Variants in ASTN2 observed in about 807,000 individuals in gnomAD.
ASTN2 encodes astrotactin-2.
A neutral mutation model predicts 139.8 loss-of-function variants in ASTN2; 54 were observed. The observed-to-expected ratio is 0.39, with a 90% CI of 0.31 to 0.48. The LOEUF is 0.48. ASTN2 is among the 20% of genes least tolerant of loss of function. ASTN2 has a pLI of 0.95. For synonymous variants in ASTN2, 756 were observed against 719.5 expected, an observed-to-expected ratio of 1.05 and a Z score of -0.81; for missense variants, 1,565 against 1,725.1, an observed-to-expected ratio of 0.91 and a Z score of 1.64.
chr9:117,071,786 G>A (rs893424623), intron 5 of ASTN2, among the ~76,000 whole-genome samples: 1 of 151,576 alleles, frequency 6.6e-6, no homozygotes, highest in Non-Finnish European at 1.5e-5. Context: ...AGGTGCGTCC[G>A]TCACCCCTTT....
chr9:117,411,525 AG>A (rs1831161556), intron 1 of ASTN2, among the ~76,000 whole-genome samples: 1 of 150,398 alleles, frequency 6.6e-6, no homozygotes, highest in Non-Finnish European at 1.5e-5. Flanking sequence ...GGCAGAATGG[AG>A]GGAGCCAGGG....
chr9:116,440,191 T>G (rs1847799502), intron 22 of ASTN2, among the ~76,000 whole-genome samples: 1 of 152,130 alleles, frequency 6.6e-6, no homozygotes, highest in Non-Finnish European at 1.5e-5. Flanking sequence ...TTAGTCAAAA[T>G]CATAGCTATT....
intron 19 of ASTN2, among the ~76,000 whole-genome samples, chr9:116,554,787 T>G (rs1308607898): frequency 6.6e-6 from 1 of 152,168 alleles, no homozygotes; most frequent in Admixed American, 6.5e-5. Context: ...ATATTTCCAT[T>G]TTGAAATCAT....
chr9:116,585,532 G>A (rs138680990), intron 19 of ASTN2: 1 of 152,240 alleles, frequency 6.6e-6, no homozygotes, highest in Non-Finnish European at 1.5e-5. Context: ...AAGCCATCTG[G>A]TCTTCTACAA....
chr9:117,353,500 C>A (rs1829448283), intron 1 of ASTN2, among the ~76,000 whole-genome samples: 1 of 152,052 alleles, frequency 6.6e-6, no homozygotes, highest in African/African-American at 2.4e-5. Context: ...TTGGGTAGCA[C>A]AGGTTAAACT....
Position 116,668,743 on chromosome 9 carries a change from C to T in ASTN2, c.2807-16950G>A, listed in dbSNP as rs118191863. Among the ~76,000 whole-genome samples, 777 of 152,318 alleles carry T rather than the reference C, an allele frequency of 5.1e-3. 2 individuals carry two copies. Among genetic ancestry groups the T allele is most frequent in the Non-Finnish European group, 8.9e-3 (607 of 68,034 alleles). Reference sequence around the variant, plus strand: ...ACTCCTTTGGACAAATACCAAGGAGCACAATTGCAAAGATCACATGGTAAG... The same window carrying T: ...ACTCCTTTGGACAAATACCAAGGAGTACAATTGCAAAGATCACATGGTAAG... On this transcript the variant is annotated intron_variant, in intron 16 of 22. Coordinates refer to ENST00000313400, the MANE Select transcript of ASTN2 (RefSeq NM_001365068.1).
At chr9:117,130,124 T>C (rs1829793040) in intron 4 of ASTN2, among the ~76,000 whole-genome samples, 2 of 152,092 alleles carry the variant, frequency 1.3e-5, no homozygotes, top group African/African-American at 4.8e-5. Flanking sequence ...CTGGGCAGCA[T>C]GGTGAAACCC....
At chr9:117,184,133 C>T (rs1428286022) in intron 3 of ASTN2, among the ~76,000 whole-genome samples, 1 of 152,180 alleles carries the variant, frequency 6.6e-6, no homozygotes, top group Non-Finnish European at 1.5e-5. Context: ...CAGGCTGAGG[C>T]CCAGGGTTGA....
intron 19 of ASTN2, among the ~76,000 whole-genome samples, chr9:116,556,848 A>G (rs1419283686): frequency 6.6e-6 from 1 of 152,214 alleles, no homozygotes; most frequent in Non-Finnish European, 1.5e-5. Flanking sequence ...GTATATATGT[A>G]CGCACACACA....
chr9:116,803,739 T>G (rs553252821), intron 13 of ASTN2, among the ~76,000 whole-genome samples: 1 of 151,142 alleles, frequency 6.6e-6, no homozygotes, highest in Non-Finnish European at 1.5e-5. Flanking sequence ...TTAGCCAGGA[T>G]GGTCTCAATC....
intron 7 of ASTN2, among the ~76,000 whole-genome samples, chr9:117,001,226 T>A (rs1185159882): frequency 1.3e-5 from 2 of 152,200 alleles, no homozygotes; most frequent in East Asian, 3.9e-4. Flanking sequence ...ACTCCATGAC[T>A]CTGTCCAGCT....
intron 20 of ASTN2, among the ~76,000 whole-genome samples, chr9:116,448,666 C>A (rs1474870641): frequency 6.6e-6 from 1 of 152,178 alleles, no homozygotes; most frequent in African/African-American, 2.4e-5. Context: ...GAAATTCTAC[C>A]ATTGAGCCTC....
At chr9:116,514,663 C>T (rs1029907414) in intron 19 of ASTN2, among the ~76,000 whole-genome samples, 25 of 152,170 alleles carry the variant, frequency 1.6e-4, no homozygotes, top group Non-Finnish European at 3.1e-4. Context: ...CCAGTTTGAG[C>T]TTCCCAGCCG....
chr9:117,077,100 A>G (rs1828301841), intron 5 of ASTN2, among the ~76,000 whole-genome samples: 1 of 152,106 alleles, frequency 6.6e-6, no homozygotes, highest in South Asian at 2.1e-4. Context: ...CAGCATAAAT[A>G]CATGTGGGAG....
At position 117,227,990 on chromosome 9, in the gene ASTN2, A is replaced by G. The variant is rs59415881; in HGVS notation, c.631-13248T>C. Among the ~76,000 whole-genome samples, 976 of 152,224 alleles carry G rather than the reference A, an allele frequency of 6.4e-3. 10 individuals carry two copies. Among genetic ancestry groups the G allele is most frequent in the African/African-American group, 0.022 (922 of 41,522 alleles). ...ACTTTAGTGAAAGAGGGTGTCAATA[A>G]TGTGGCTCAAAAAACACTGGATTTG... is the stretch of plus-strand genomic sequence containing the variant. On this transcript the variant is annotated intron_variant, in intron 2 of 22. Coordinates refer to ENST00000313400, the MANE Select transcript of ASTN2 (RefSeq NM_001365068.1).
chr9:117,284,199 A>G lies in ASTN2; in HGVS notation c.630+7127T>C, dbSNP rs181412295. Among the ~76,000 whole-genome samples, 158 of 152,098 alleles carry G rather than the reference A, an allele frequency of 1.0e-3. 1 individual carries two copies. The highest frequency in any genetic ancestry group is 3.6e-3 in the African/African-American group (151 of 41,514). ...GCTCACTGCAACCTCCGTCTCCCAG[A>G]CCCAAGCGATCCTCCCACCTCAGCC... On this transcript the variant is annotated intron_variant, in intron 2 of 22. Transcript: ENST00000313400.
intron 13 of ASTN2, among the ~76,000 whole-genome samples, chr9:116,782,260 G>A (rs1005259770): frequency 5.9e-5 from 9 of 152,224 alleles, no homozygotes; most frequent in East Asian, 5.8e-4. Context: ...AGAATGAAGC[G>A]ACAGATTTAA....
chr9:116,957,888 C>T (rs1835760566), intron 10 of ASTN2, among the ~76,000 whole-genome samples: 1 of 152,116 alleles, frequency 6.6e-6, no homozygotes, highest in African/African-American at 2.4e-5. Flanking sequence ...ACCATGTTGG[C>T]CAGGATGGTC....
intron 20 of ASTN2, among the ~76,000 whole-genome samples, chr9:116,473,119 T>C (rs902370242): frequency 6.6e-6 from 1 of 152,086 alleles, no homozygotes; most frequent in African/African-American, 2.4e-5. Flanking sequence ...TGGCATGTAA[T>C]AGAGTTTGAT....
Sources: allele counts gnomAD v4.1 joint callset (sites outside exome capture counted in the v4.1 genomes callset), GRCh38; gene constraint gnomAD v4.1.1; transcripts MANE v1.5; gene names NCBI Gene and HGNC (gene_info 2026-07-23, HGNC 2026-07-21).